The following AOPEP variants were observed in gnomAD, a reference collection of about 807,000 sequenced individuals.
AOPEP encodes aminopeptidase O (putative).
Under a neutral mutation model 98.1 loss-of-function variants are expected in AOPEP, and 77 were observed. That is an observed-to-expected ratio of 0.78 (90% CI 0.65 to 0.95). The LOEUF (loss-of-function observed/expected upper bound fraction) is 0.95, where lower values mean the gene tolerates loss of function less well. Among genes scored for constraint, AOPEP ranks in the 40% least tolerant of loss-of-function variants. AOPEP has a pLI of 0.00. For synonymous variants in AOPEP, 346 were observed against 365.3 expected, an observed-to-expected ratio of 0.95 and a Z score of 0.60; for missense variants, 1,024 against 1,024.7, an observed-to-expected ratio of 1.00 and a Z score of 0.01.
intron 11 of AOPEP, among the ~76,000 whole-genome samples, chr9:94,988,626 G>A (rs2060669263): frequency 6.6e-6 from 1 of 152,204 alleles, no homozygotes; most frequent in Non-Finnish European, 1.5e-5. Context: ...AAAAAATGCA[G>A]CTAATGGAGA....
At chr9:94,913,390 G>A (rs988230808) in intron 5 of AOPEP, among the ~76,000 whole-genome samples, 3 of 152,174 alleles carry the variant, frequency 2.0e-5, no homozygotes, top group Admixed American at 6.5e-5. Context: ...CTCTGAGGAT[G>A]ACCATCTGTC....
the AOPEP span, chr9:95,125,275 C>T: frequency 2.0e-6 from 2 of 1,022,888 alleles, no homozygotes; most frequent in South Asian, 1.3e-5. Context: ...AGTAGAAACA[C>T]TTTTTTTGTG....
At chr9:94,828,801 A>G (rs547677379) in intron 5 of AOPEP, among the ~76,000 whole-genome samples, 1 of 151,330 alleles carries the variant, frequency 6.6e-6, no homozygotes, top group African/African-American at 2.4e-5. Context: ...TAATAAACAC[A>G]TTATTTATAT....
chr9:94,862,402 A>G (rs1368942018), intron 5 of AOPEP, among the ~76,000 whole-genome samples: 1 of 152,004 alleles, frequency 6.6e-6, no homozygotes, highest in Non-Finnish European at 1.5e-5. Context: ...GAGGTAAATC[A>G]TCCTTTAAAG....
At chr9:94,747,280 T>C (rs1834724326) in intron 1 of AOPEP, among the ~76,000 whole-genome samples, 1 of 152,194 alleles carries the variant, frequency 6.6e-6, no homozygotes. Context: ...CATATTTTTA[T>C]TTATAGTTAA....
intron 1 of AOPEP, among the ~76,000 whole-genome samples, chr9:94,731,957 G>A (rs986362679): frequency 1.3e-5 from 2 of 151,844 alleles, no homozygotes; most frequent in African/African-American, 4.8e-5. Flanking sequence ...GCTAATTTTT[G>A]TATTTTTAGT....
At chr9:95,132,820 G>T in the AOPEP span, among the ~76,000 whole-genome samples, 1 of 152,300 alleles carries the variant, frequency 6.6e-6, no homozygotes, top group African/African-American at 2.4e-5. Flanking sequence ...ATTTCACTTT[G>T]TACAACCTGT....
chr9:95,148,672 T>C, the AOPEP span, among the ~76,000 whole-genome samples: 1 of 152,192 alleles, frequency 6.6e-6, no homozygotes, highest in Non-Finnish European at 1.5e-5. Context: ...CATAACTCAA[T>C]GAATGAAGAT....
intron 5 of AOPEP, among the ~76,000 whole-genome samples, chr9:94,896,140 A>G (rs759589911): frequency 6.6e-5 from 10 of 152,234 alleles, no homozygotes; most frequent in Non-Finnish European, 1.3e-4. Flanking sequence ...TGATCAACTG[A>G]ATGGAAAATA....
chr9:94,814,403 G>A (rs1851274844), intron 5 of AOPEP, among the ~76,000 whole-genome samples: 1 of 152,158 alleles, frequency 6.6e-6, no homozygotes, highest in South Asian at 2.1e-4. Flanking sequence ...TAGAAATCTG[G>A]GCCTTGGATG....
chr9:94,951,591 G>A (rs2137853244), intron 7 of AOPEP, among the ~76,000 whole-genome samples: 1 of 152,354 alleles, frequency 6.6e-6, no homozygotes, highest in South Asian at 2.1e-4. Flanking sequence ...AACGTTAGCT[G>A]TTAGTACTAG....
intron 5 of AOPEP, among the ~76,000 whole-genome samples, chr9:94,846,643 C>T (rs777120945): frequency 5.3e-5 from 8 of 152,240 alleles, no homozygotes; most frequent in Non-Finnish European, 7.3e-5. Context: ...TGGTGGCTCA[C>T]GCCCGTAATC....
chr9:94,783,194 A>G (rs755420564), intron 3 of AOPEP, among the ~76,000 whole-genome samples: 2 of 152,232 alleles, frequency 1.3e-5, no homozygotes, highest in Non-Finnish European at 2.9e-5. Context: ...GTTAGCCAAC[A>G]AGGAAAACCT....
At chr9:95,096,203 A>G in the AOPEP span, among the ~76,000 whole-genome samples, 4 of 152,098 alleles carry the variant, frequency 2.6e-5, no homozygotes, top group African/African-American at 9.7e-5. Flanking sequence ...GTTGATGGCA[A>G]TGTCTTTATC....
intron 5 of AOPEP, among the ~76,000 whole-genome samples, chr9:94,905,096 CT>C (rs2050937548): frequency 6.6e-6 from 1 of 152,164 alleles, no homozygotes; most frequent in African/African-American, 2.4e-5. Flanking sequence ...CATCTTTGTT[CT>C]TTGTACAAAA....
At chr9:95,060,838 C>A (rs2067258523) in intron 14 of AOPEP, 28 bp downstream of exon 14, 1 of 1,355,368 alleles carries the variant, frequency 7.4e-7, no homozygotes, top group Non-Finnish European at 1.1e-6. Flanking sequence ...CGGAGTTTAA[C>A]CAGCAGGTCC....
chr9:94,827,403 C>T (rs911511566), intron 5 of AOPEP, among the ~76,000 whole-genome samples: 1 of 152,150 alleles, frequency 6.6e-6, no homozygotes, highest in Admixed American at 6.5e-5. Flanking sequence ...ACATTTTCGT[C>T]CACTGAAGCC....
At chr9:94,744,188 T>G (rs1833907558) in intron 1 of AOPEP, among the ~76,000 whole-genome samples, 1 of 151,268 alleles carries the variant, frequency 6.6e-6, no homozygotes, top group African/African-American at 2.4e-5. Flanking sequence ...GTCAGGAGAT[T>G]GAGACCATCC....
chr9:94,827,687 A>G (rs921047029), intron 5 of AOPEP, among the ~76,000 whole-genome samples: 3 of 152,144 alleles, frequency 2.0e-5, no homozygotes, highest in East Asian at 1.9e-4. Context: ...TCTTTGTCCA[A>G]ATAGGACATT....
Sources: allele counts gnomAD v4.1 joint callset (sites outside exome capture counted in the v4.1 genomes callset), GRCh38; gene constraint gnomAD v4.1.1; transcripts MANE v1.5; gene names NCBI Gene and HGNC (gene_info 2026-07-23, HGNC 2026-07-21).